The following ANK3 variants were observed in gnomAD, a reference collection of about 807,000 sequenced individuals.
The protein encoded by ANK3 is ankyrin-3.
ANK3 carries 57 observed loss-of-function variants against 370.9 expected under a neutral mutation model. The ratio of observed to expected loss-of-function variants is 0.15; its 90% CI spans 0.12 to 0.19. The LOEUF (loss-of-function observed/expected upper bound fraction) is 0.19. Ranked by LOEUF, ANK3 falls within the 10% of genes least tolerant of loss-of-function variation. The pLI, the probability that ANK3 is intolerant of heterozygous loss-of-function variation, is 1.00. For synonymous variants in ANK3, 1,929 were observed against 1,946.3 expected, an observed-to-expected ratio of 0.99 and a Z score of 0.23; for missense variants, 4,439 against 5,302.1, an observed-to-expected ratio of 0.84 and a Z score of 5.06.
At chr10:60,140,876 A>G in intron 23 of ANK3, 1 of 986,854 alleles carries the variant, frequency 1.0e-6, no homozygotes, top group South Asian at 4.7e-5. Context: ...TGCTACATTT[A>G]ATTAGGAGGT....
intron 2 of ANK3, among the ~76,000 whole-genome samples, chr10:60,432,319 C>T (rs567402217): frequency 8.5e-5 from 13 of 152,206 alleles, no homozygotes; most frequent in Non-Finnish European, 1.6e-4. Flanking sequence ...TTGGTGCCCC[C>T]AGTAGAGGGC....
intron 8 of ANK3, among the ~76,000 whole-genome samples, chr10:60,216,957 CT>C (rs1413074174): frequency 2.6e-5 from 4 of 152,066 alleles, no homozygotes; most frequent in African/African-American, 9.7e-5. Context: ...CGTTATTGGT[CT>C]ATTCAGGGAT....
chr10:60,501,978 ACT>A (rs1262634251), intron 2 of ANK3, among the ~76,000 whole-genome samples: 1 of 151,998 alleles, frequency 6.6e-6, no homozygotes, highest in Admixed American at 6.6e-5. Context: ...ACAGGGTGAG[ACT>A]CTGTCCATTA....
intron 2 of ANK3, among the ~76,000 whole-genome samples, chr10:60,458,097 G>T (rs542399926): frequency 6.6e-6 from 1 of 152,116 alleles, no homozygotes; most frequent in Admixed American, 6.6e-5. Context: ...AACAAAAAAT[G>T]TTGGCTGTTA....
At position 60,687,619 on chromosome 10, in the gene ANK3, T is replaced by C. The variant is rs150465796; in HGVS notation, c.57+45644A>G. On this transcript the variant is annotated intron_variant, in intron 1 of 43. Coordinates refer to the ANK3 transcript ENST00000373827. ...CCCTTGCACACTATTGGTCACGATA[T>C]AAAATAGCACAACGGCTATGGAAAA... Among the ~76,000 whole-genome samples, 342 of 152,078 alleles carry C rather than the reference T, an allele frequency of 2.2e-3. 2 individuals carry two copies. Among genetic ancestry groups the C allele is most frequent in the African/African-American group, 7.8e-3 (323 of 41,474 alleles).
chr10:60,581,594 A>C (rs1292380674), intron 2 of ANK3, among the ~76,000 whole-genome samples: 2 of 147,154 alleles, frequency 1.4e-5, no homozygotes, highest in Admixed American at 1.3e-4. Context: ...CTGGCTAATT[A>C]TTATTTTTTT....
chr10:60,498,214 A>G, intron 2 of ANK3, among the ~76,000 whole-genome samples: 1 of 152,108 alleles, frequency 6.6e-6, no homozygotes, highest in East Asian at 1.9e-4. Flanking sequence ...TTGATCTTTT[A>G]TAGCTCAAAG....
chr10:60,038,056 C>CTT (rs956293302), intron 43 of ANK3, among the ~76,000 whole-genome samples: 2 of 152,184 alleles, frequency 1.3e-5, no homozygotes, highest in Non-Finnish European at 2.9e-5. Context: ...TGATGCTGAA[C>CTT]TTTTATTCAT....
intron 1 of ANK3, among the ~76,000 whole-genome samples, chr10:60,698,551 AC>A (rs1340756775): frequency 6.7e-6 from 1 of 149,444 alleles, no homozygotes; most frequent in Non-Finnish European, 1.5e-5. Flanking sequence ...GCACATATAC[AC>A]CATGGAATAC....
In ANK3 at chr10:60,073,685, G is replaced by A; in HGVS notation, c.7196C>T (p.Ala2399Val). Residue 2399 changes from alanine to valine, a missense_variant, in exon 37 of 44, where the codon GCT becomes GTT. Physicochemically the swap from Ala to Val is moderately conservative, Grantham distance 64. Around this residue, in one of 13 missense-constraint regions of ANK3, gnomAD observed 1,601 missense variants for 1,731.7 expected, o/e 0.92. Coordinates refer to ENST00000280772, the MANE Select transcript of ANK3 (RefSeq NM_020987.5). ...QGQQEEEELT[A>V]EESLPSYLES... ...CAGATAAGAAGGCAATGACTCTTCA[G>A]CAGTAAGTTCTTCTTCTTCTTGCTG... The A allele has an allele frequency of 6.2e-7, 1 of 1,614,024 alleles. No individual in the cohort carries two copies. The highest frequency in any genetic ancestry group is 8.5e-7 in the Non-Finnish European group (1 of 1,179,998).
intron 2 of ANK3, among the ~76,000 whole-genome samples, chr10:60,482,480 C>G (rs996915834): frequency 6.7e-6 from 1 of 148,320 alleles, no homozygotes; most frequent in Non-Finnish European, 1.5e-5. Flanking sequence ...ATAATCAAAA[C>G]TACTCTCTAA....
intron 1 of ANK3, among the ~76,000 whole-genome samples, chr10:60,715,600 G>C (rs1037511127): frequency 4.7e-4 from 72 of 152,236 alleles, no homozygotes; most frequent in African/African-American, 1.6e-3. Context: ...ACAGCAAGAG[G>C]AGTAACTTCT....
chr10:60,665,663 T>C (rs2078986909), intron 1 of ANK3, among the ~76,000 whole-genome samples: 1 of 152,208 alleles, frequency 6.6e-6, no homozygotes, highest in Non-Finnish European at 1.5e-5. Flanking sequence ...TTCTATTAAG[T>C]GTATCTTGAG....
At chr10:60,106,116 A>T (rs2092132909) in intron 27 of ANK3, 57 bp from the exon 28 acceptor site, 1 of 1,453,662 alleles carries the variant, frequency 6.9e-7, no homozygotes, top group East Asian at 2.6e-5. Context: ...ATAGTATCAT[A>T]CTTAAAAAAT....
intron 1 of ANK3, among the ~76,000 whole-genome samples, chr10:60,692,247 C>T (rs879377215): frequency 1.3e-5 from 2 of 152,128 alleles, no homozygotes; most frequent in East Asian, 1.9e-4. Flanking sequence ...TACTGGCATA[C>T]GTTTTACAGA....
Position 60,091,169 on chromosome 10 carries a change from GT to G in ANK3, c.3329-2812del, listed in dbSNP as rs532442042. ...ATCCCCCCAACCTTGGACCCCCAAAGTGTTGGGATTACAGGCATGAGCCACA... is the reference window on the plus strand; with the variant it reads ...ATCCCCCCAACCTTGGACCCCCAAAGGTTGGGATTACAGGCATGAGCCACA... On this transcript the variant is annotated intron_variant, in intron 28 of 43. Transcript: ENST00000280772. Among the ~76,000 whole-genome samples, 57 of 152,342 alleles carry G rather than the reference GT, an allele frequency of 3.7e-4. No homozygotes were observed. The South Asian group carries it at 0.011, about 30-fold the overall frequency.
intron 2 of ANK3, among the ~76,000 whole-genome samples, chr10:60,545,726 G>A (rs142752843): frequency 3.2e-4 from 49 of 152,066 alleles, no homozygotes; most frequent in African/African-American, 1.1e-3. Context: ...CATACAGAGG[G>A]CACTATAAAT....
At chr10:60,244,041 G>A (rs1176807864) in intron 7 of ANK3, among the ~76,000 whole-genome samples, 1 of 152,150 alleles carries the variant, frequency 6.6e-6, no homozygotes, top group Non-Finnish European at 1.5e-5. Flanking sequence ...TTGATGTCAG[G>A]GACCTGGAAA....
chr10:60,323,290 TAGCTCCCATC>T (rs1021863761), intron 1 of ANK3, among the ~76,000 whole-genome samples: 2 of 152,174 alleles, frequency 1.3e-5, no homozygotes, highest in African/African-American at 4.8e-5. Flanking sequence ...ATTCATCCTT[TAGCTCCCATC>T]AGTCACTGGT....
Sources: gnomAD v4.1 joint callset for allele counts (sites outside exome capture counted in the v4.1 genomes callset) on GRCh38, gnomAD v4.1.1 for gene constraint, gnomAD v4.1.1 regional missense constraint, MANE v1.5 for transcripts, NCBI Gene and HGNC (gene_info 2026-07-23, HGNC 2026-07-21) for gene names.